HS2ST1: variants seen among roughly 807,000 people sequenced by gnomAD.
HS2ST1 encodes 2-O-sulfotransferase.
HS2ST1 carries 18 observed loss-of-function variants against 42.9 expected under a neutral mutation model. The ratio of observed to expected loss-of-function variants is 0.42; its 90% CI spans 0.29 to 0.62. HS2ST1 has a LOEUF of 0.62. HS2ST1 is among the 20% of genes least tolerant of loss of function. The probability of loss-of-function intolerance (pLI) is 0.21; values close to 1 mark genes in which losing one functional copy is unlikely to be tolerated. For missense variants in HS2ST1, 334 were observed against 433.8 expected, an observed-to-expected ratio of 0.77 and a Z score of 2.04; for synonymous variants, 146 against 152.9, an observed-to-expected ratio of 0.95 and a Z score of 0.33.
At chr1:86,976,640 T>C (rs1648407757) in intron 1 of HS2ST1, among the ~76,000 whole-genome samples, 1 of 142,756 alleles carries the variant, frequency 7.0e-6, no homozygotes. Context: ...AGAATTTCTT[T>C]GAATGAGTCT....
At chr1:87,060,828 G>A (rs767144794) in intron 1 of HS2ST1, among the ~76,000 whole-genome samples, 19 of 152,016 alleles carry the variant, frequency 1.2e-4, no homozygotes, top group African/African-American at 1.9e-4. Context: ...TTCCTTTAAC[G>A]TAGTAACCTT....
chr1:87,041,403 T>C (rs1650520785), intron 1 of HS2ST1, among the ~76,000 whole-genome samples: 1 of 151,690 alleles, frequency 6.6e-6, no homozygotes, highest in South Asian at 2.1e-4. Flanking sequence ...TATATATAAA[T>C]TTAAAAAAAG....
intron 1 of HS2ST1, among the ~76,000 whole-genome samples, chr1:86,943,239 G>A (rs541711687): frequency 6.6e-6 from 1 of 152,080 alleles, no homozygotes; most frequent in Admixed American, 6.5e-5. Flanking sequence ...AAATCATTGG[G>A]TATTTATTAT....
At chr1:86,943,835 G>T (rs1647234899) in intron 1 of HS2ST1, among the ~76,000 whole-genome samples, 1 of 152,098 alleles carries the variant, frequency 6.6e-6, no homozygotes, top group African/African-American at 2.4e-5. Flanking sequence ...AGACCAGCCT[G>T]GCCAACATGG....
chr1:87,098,323 T>TG, intron 5 of HS2ST1: 1 of 988,574 alleles, frequency 1.0e-6, no homozygotes, highest in Non-Finnish European at 1.2e-6. Flanking sequence ...AAAATTCACC[T>TG]GGTTTTACTG....
rs990563765 is a variant in HS2ST1, at chr1:87,073,004, T to C, written c.195T>C (p.Asp65=). 14 of 1,613,994 alleles carry C rather than the reference T, an allele frequency of 8.7e-6. No homozygotes were observed. The highest frequency in any genetic ancestry group is 1.3e-5 in the African/African-American group (1 of 74,932). ...ATACAATGGATGGCCCTCGGCAAGA[T>C]GCCACTTTAGATGAGGAAGAGGACA... ...QRHTMDGPRQ[D]ATLDEEEDMV... Residue 65 remains aspartate (D), a synonymous_variant, in exon 2 of 7, where the codon GAT becomes GAC. Transcript: ENST00000370550.
chr1:87,008,554 C>T (rs777363039), intron 1 of HS2ST1, among the ~76,000 whole-genome samples: 4 of 152,274 alleles, frequency 2.6e-5, no homozygotes, highest in African/African-American at 4.8e-5. Flanking sequence ...AGTTCTTAAG[C>T]GAACTTTCTA....
intron 2 of HS2ST1, 48 bp downstream of exon 2, chr1:87,073,220 C>G (rs1651461374): frequency 7.9e-7 from 1 of 1,261,234 alleles, no homozygotes; most frequent in Admixed American, 1.7e-5. Context: ...TACTTCCTCA[C>G]TCAAATTTTC....
chr1:86,970,515 C>G (rs1648200198), intron 1 of HS2ST1, among the ~76,000 whole-genome samples: 1 of 152,116 alleles, frequency 6.6e-6, no homozygotes, highest in African/African-American at 2.4e-5. Context: ...ATTGTTGTGC[C>G]TCAGCCTCCC....
chr1:87,054,333 C>T lies in HS2ST1; in HGVS notation c.125-18601C>T, dbSNP rs146535324. Reference sequence around the variant, plus strand: ...TGTTTGTTTTTTAAAAAGCAGACTCCCCTCTACCCATAAGAATCTGCTTGG... The same window carrying T: ...TGTTTGTTTTTTAAAAAGCAGACTCTCCTCTACCCATAAGAATCTGCTTGG... On this transcript the variant is annotated intron_variant, in intron 1 of 6. Transcript: ENST00000370550. Among the ~76,000 whole-genome samples, 758 of 152,086 alleles carry T rather than the reference C, an allele frequency of 5.0e-3. 5 individuals are homozygous for T. Among genetic ancestry groups the T allele is most frequent in the Non-Finnish European group, 8.3e-3 (567 of 67,982 alleles).
intron 1 of HS2ST1, among the ~76,000 whole-genome samples, chr1:87,036,204 G>C (rs1650371414): frequency 6.6e-6 from 1 of 152,134 alleles, no homozygotes. Context: ...GTCTATCATT[G>C]ATGGGCATTT....
chr1:86,971,923 C>G (rs1648245486), intron 1 of HS2ST1, among the ~76,000 whole-genome samples: 1 of 152,088 alleles, frequency 6.6e-6, no homozygotes, highest in South Asian at 2.1e-4. Context: ...TGAACTAGCT[C>G]TTTCAATAGT....
At chr1:87,049,709 T>A (rs771970256) in intron 1 of HS2ST1, among the ~76,000 whole-genome samples, 1 of 152,086 alleles carries the variant, frequency 6.6e-6, no homozygotes, top group Non-Finnish European at 1.5e-5. Flanking sequence ...AAATGTTCCA[T>A]GTACACTTGA....
intron 2 of HS2ST1, among the ~76,000 whole-genome samples, chr1:87,077,737 TTAAA>T (rs1359282013): frequency 2.0e-5 from 3 of 152,354 alleles, no homozygotes; most frequent in East Asian, 3.9e-4. Context: ...ACATTTTTTG[TTAAA>T]TAAATGATGA....
intron 1 of HS2ST1, among the ~76,000 whole-genome samples, chr1:87,060,036 T>A (rs1373942115): frequency 6.6e-6 from 1 of 152,194 alleles, no homozygotes; most frequent in East Asian, 1.9e-4. Flanking sequence ...TATTCAAGAA[T>A]GATACCTAGA....
intron 1 of HS2ST1, among the ~76,000 whole-genome samples, chr1:86,946,763 C>T (rs1307188360): frequency 6.6e-6 from 1 of 152,204 alleles, no homozygotes; most frequent in East Asian, 1.9e-4. Context: ...ATGCACATAG[C>T]ATTGCAGATG....
intron 1 of HS2ST1, among the ~76,000 whole-genome samples, chr1:86,969,693 AAT>A (rs1252964719): frequency 6.6e-6 from 1 of 151,730 alleles, no homozygotes; most frequent in African/African-American, 2.4e-5. Flanking sequence ...AGTTATATAA[AAT>A]ATTTTAATTA....
At chr1:86,977,972 G>A (rs545576189) in intron 1 of HS2ST1, among the ~76,000 whole-genome samples, 45 of 152,174 alleles carry the variant, frequency 3.0e-4, no homozygotes, top group Non-Finnish European at 4.9e-4. Flanking sequence ...TAAAATTATA[G>A]TAAAGCTGAA....
At chr1:86,949,180 C>T (rs1647427791) in intron 1 of HS2ST1, among the ~76,000 whole-genome samples, 1 of 152,144 alleles carries the variant, frequency 6.6e-6, no homozygotes, top group Non-Finnish European at 1.5e-5. Flanking sequence ...GTGATCTCAG[C>T]TCACTACAAC....
Sources: gnomAD v4.1 joint callset for allele counts (sites outside exome capture counted in the v4.1 genomes callset) on GRCh38, gnomAD v4.1.1 for gene constraint, MANE v1.5 for transcripts, NCBI Gene and HGNC (gene_info 2026-07-23, HGNC 2026-07-21) for gene names.